The following BABAM2 variants were observed in gnomAD, a reference collection of about 807,000 sequenced individuals.
BABAM2 encodes BRISC and BRCA1-A complex member 2.
A neutral mutation model predicts 54.7 loss-of-function variants in BABAM2; 31 were observed. The observed-to-expected ratio is 0.57, with a 90% CI of 0.43 to 0.77. The LOEUF is 0.77. BABAM2 is among the 30% of genes least tolerant of loss of function. The pLI is 0.00. For synonymous variants in BABAM2, 167 were observed against 162.9 expected, an observed-to-expected ratio of 1.03 and a Z score of -0.19; for missense variants, 364 against 455.8, an observed-to-expected ratio of 0.80 and a Z score of 1.83.
intron 6 of BABAM2, among the ~76,000 whole-genome samples, chr2:28,086,712 A>G (rs955414891): frequency 2.6e-5 from 4 of 152,228 alleles, no homozygotes; most frequent in Non-Finnish European, 5.9e-5. Flanking sequence ...CTTATTTAAG[A>G]TGCACTTTTC....
intron 5 of BABAM2, among the ~76,000 whole-genome samples, chr2:28,026,896 AAATATATAT>A (rs1675823675): frequency 7.4e-5 from 2 of 27,146 alleles, no homozygotes; most frequent in South Asian, 1.7e-3. Flanking sequence ...AGATATATAT[AAATATATAT>A]AAATATATAT....
chr2:28,193,530 G>A (rs372412447), intron 7 of BABAM2, among the ~76,000 whole-genome samples: 1 of 152,138 alleles, frequency 6.6e-6, no homozygotes, highest in Non-Finnish European at 1.5e-5. Context: ...ATTGATACAA[G>A]AGCATACTGC....
At chr2:28,244,354 C>T (rs142631445) in intron 9 of BABAM2, among the ~76,000 whole-genome samples, 2,807 of 152,310 alleles carry the variant, frequency 0.018, 39 homozygotes, top group South Asian at 0.031. Context: ...AGGTAGTATG[C>T]TGACATTTGG....
intron 3 of BABAM2, among the ~76,000 whole-genome samples, chr2:27,931,436 C>T (rs376279689): frequency 6.6e-6 from 1 of 152,050 alleles, no homozygotes; most frequent in South Asian, 2.1e-4. Flanking sequence ...CTTTTGCCTC[C>T]GTTTCTTGCC....
intron 3 of BABAM2, among the ~76,000 whole-genome samples, chr2:27,967,073 A>G (rs1286403728): frequency 6.6e-6 from 1 of 152,124 alleles, no homozygotes; most frequent in African/African-American, 2.4e-5. Flanking sequence ...AGAAACATAT[A>G]TTTCTTCATT....
intron 7 of BABAM2, among the ~76,000 whole-genome samples, chr2:28,203,852 G>A (rs1471898741): frequency 6.6e-6 from 1 of 152,126 alleles, no homozygotes; most frequent in Non-Finnish European, 1.5e-5. Flanking sequence ...GCTTGCCAGG[G>A]TGAACATCCT....
In BABAM2 at chr2:27,965,666, C is replaced by T. The variant is rs188132695; in HGVS notation, c.206-22327C>T. 4.1e-4 allele frequency among the ~76,000 whole-genome samples: 63 copies of T among 152,168 alleles called. No homozygotes were observed. In the East Asian group the frequency reaches 0.01, roughly 24 times the overall value. ...TTTGGTTGCTATATATATACACACA[C>T]GTATACATATGTACATACATATACA... On this transcript the variant is annotated intron_variant, in intron 3 of 11. Coordinates refer to ENST00000379624, the MANE Select transcript of BABAM2 (RefSeq NM_199191.3).
chr2:27,982,844 TAC>T (rs146744707), intron 3 of BABAM2, among the ~76,000 whole-genome samples: 32,793 of 126,980 alleles, frequency 0.26, 4,498 homozygotes, highest in Non-Finnish European at 0.34. Flanking sequence ...TCATTATGTG[TAC>T]ACACACACAC....
intron 11 of BABAM2, among the ~76,000 whole-genome samples, chr2:28,337,419 G>A (rs925406029): frequency 6.6e-6 from 1 of 152,184 alleles, no homozygotes; most frequent in Non-Finnish European, 1.5e-5. Flanking sequence ...CCCACACGGC[G>A]TGATCCCATG....
upstream of BABAM2, chr2:27,890,242 T>A (rs780706666): frequency 2.0e-5 from 32 of 1,612,274 alleles, no homozygotes; most frequent in Non-Finnish European, 2.6e-5. This position sits in a 1 kb window ranked among gnomAD's most constrained non-coding sequence, Gnocchi z 4.8. Context: ...ACTGAGTAAC[T>A]GGCCCCGGAC....
chr2:27,993,601 G>C (rs1672927239), intron 4 of BABAM2, among the ~76,000 whole-genome samples: 1 of 152,148 alleles, frequency 6.6e-6, no homozygotes, highest in Non-Finnish European at 1.5e-5. Flanking sequence ...AAGGAGGAAG[G>C]GTGGATCATA....
chr2:27,960,953 A>T (rs552381574), intron 3 of BABAM2, among the ~76,000 whole-genome samples: 12 of 152,368 alleles, frequency 7.9e-5, no homozygotes, highest in Non-Finnish European at 1.6e-4. Flanking sequence ...AAGCAAACAC[A>T]CTATCAGATG....
At chr2:28,321,316 T>A (rs1456041505) in intron 11 of BABAM2, among the ~76,000 whole-genome samples, 2 of 152,184 alleles carry the variant, frequency 1.3e-5, no homozygotes, top group African/African-American at 2.4e-5. Flanking sequence ...CAGTTTTCTC[T>A]TACTCGAAAA....
intron 7 of BABAM2, among the ~76,000 whole-genome samples, chr2:28,205,520 A>G (rs1296512366): frequency 6.6e-6 from 1 of 152,098 alleles, no homozygotes; most frequent in Admixed American, 6.6e-5. Context: ...AAATAAAATA[A>G]AAAATAATTT....
intron 5 of BABAM2, among the ~76,000 whole-genome samples, chr2:28,043,044 GTTTATAT>G (rs1004408279): frequency 5.6e-4 from 84 of 151,176 alleles, no homozygotes; most frequent in African/African-American, 2.0e-3. Flanking sequence ...AAAAAATGAT[GTTTATAT>G]GCTGATGAAA....
At chr2:27,923,978 TA>T (rs201147484) in intron 2 of BABAM2, among the ~76,000 whole-genome samples, 1 of 151,204 alleles carries the variant, frequency 6.6e-6, no homozygotes, top group African/African-American at 2.4e-5. Flanking sequence ...TCAAAAAATT[TA>T]AAAAAAAATG....
chr2:28,139,341 A>AAAAAAAG (rs1670841702), intron 7 of BABAM2, among the ~76,000 whole-genome samples: 3 of 123,982 alleles, frequency 2.4e-5, no homozygotes, highest in Non-Finnish European at 3.3e-5. Flanking sequence ...AAAAAAAAAA[A>AAAAAAAG]AAAAGAAAAA....
chr2:27,990,871 T>A (rs1672731155), intron 4 of BABAM2, among the ~76,000 whole-genome samples: 1 of 151,972 alleles, frequency 6.6e-6, no homozygotes. Context: ...AAAAAAAGGA[T>A]TTGAGGTAGC....
chr2:28,094,291 G>A (rs1268346176), intron 6 of BABAM2, among the ~76,000 whole-genome samples: 3 of 152,056 alleles, frequency 2.0e-5, no homozygotes, highest in Admixed American at 6.6e-5. Flanking sequence ...GGTCTTGTTC[G>A]TGGCTGTGTC....
Sources: allele counts gnomAD v4.1 joint callset (sites outside exome capture counted in the v4.1 genomes callset), GRCh38; gene constraint gnomAD v4.1.1; non-coding constraint Gnocchi (gnomAD v3.1); transcripts MANE v1.5; gene names NCBI Gene and HGNC (gene_info 2026-07-23, HGNC 2026-07-21).